Variants in FOXP1 observed in about 807,000 individuals in gnomAD.
FOXP1 encodes the protein forkhead box protein P1.
In FOXP1, 15 loss-of-function variants were observed where a neutral mutation model predicts 98.2. That is an observed-to-expected ratio of 0.15 (90% CI 0.10 to 0.24). The LOEUF (loss-of-function observed/expected upper bound fraction) is 0.24, where lower values mean the gene tolerates loss of function less well. Ranked by LOEUF, FOXP1 falls within the 10% of genes least tolerant of loss-of-function variation. The pLI, the probability that FOXP1 is intolerant of heterozygous loss-of-function variation, is 1.00. For synonymous variants in FOXP1, 371 were observed against 314.5 expected (o/e 1.18, Z -1.90); for missense variants, 633 against 848.5 (o/e 0.75, Z 3.15).
At chr3:70,966,132 C>T (rs192867463) in intron 19 of FOXP1, 76 bp from the exon 20 acceptor site, 25 of 1,215,330 alleles carry the variant, frequency 2.1e-5, no homozygotes, top group Admixed American at 7.0e-5. Flanking sequence ...TGGGTGTACT[C>T]GATAATCTTC....
At chr3:71,376,344 T>C (rs1012864181) in intron 3 of FOXP1, among the ~76,000 whole-genome samples, 2 of 152,134 alleles carry the variant, frequency 1.3e-5, no homozygotes, top group Non-Finnish European at 2.9e-5. Flanking sequence ...GGATAAATAC[T>C]TGTCTCCACT....
At chr3:71,294,989 C>T (rs963396885) in intron 5 of FOXP1, among the ~76,000 whole-genome samples, 9 of 152,296 alleles carry the variant, frequency 5.9e-5, no homozygotes, top group South Asian at 2.1e-4. Flanking sequence ...GGTTGTTTCA[C>T]GAGAGAAGTA....
intron 3 of FOXP1, among the ~76,000 whole-genome samples, chr3:71,394,668 G>A (rs376412278): frequency 5.9e-5 from 9 of 152,070 alleles, no homozygotes; most frequent in Admixed American, 3.3e-4. Context: ...TCATTATACC[G>A]ACCCTTGTGT....
chr3:71,185,412 C>T lies in FOXP1; in HGVS notation c.180+12790G>A, dbSNP rs367784125. On this transcript the variant is annotated intron_variant, in intron 6 of 20. Transcript: ENST00000649528. ...GAGCAAATGCCTTCGAATTTGGCAA[C>T]TATTTTTAAATTAGGTATTATGGTT... Among the ~76,000 whole-genome samples, 4 of 152,296 alleles carry T rather than the reference C, an allele frequency of 2.6e-5. No homozygotes were observed. The East Asian group carries it at 7.7e-4, about 29-fold the overall frequency.
chr3:70,996,725 C>T (rs1210110894), intron 13 of FOXP1, among the ~76,000 whole-genome samples: 1 of 152,074 alleles, frequency 6.6e-6, no homozygotes, highest in Non-Finnish European at 1.5e-5. Flanking sequence ...TTATGATGAC[C>T]CTCTAGGTTA....
rs539288002 is a variant in FOXP1 at position 71,157,828 on chromosome 3, T to C, written c.180+40374A>G. ...GAGGCCAGGAGTAGTGGCTCATGCC[T>C]ATAATCCCAGCACTCTGGGAGGCTG... On this transcript the variant is annotated intron_variant, in intron 6 of 20. Coordinates refer to ENST00000649528, the MANE Select transcript of FOXP1 (RefSeq NM_001349338.3). 2.0e-5 allele frequency among the ~76,000 whole-genome samples: 3 copies of C among 151,862 alleles called. 1 individual carries two copies. In the South Asian group the frequency reaches 6.3e-4, roughly 32 times the overall value.
At chr3:71,583,789 G>A (rs1272353887), upstream of FOXP1, 3 of 986,706 alleles carry the variant, frequency 3.0e-6, no homozygotes, top group Non-Finnish European at 3.6e-6. Flanking sequence ...TAGCTTCCCG[G>A]AGCCCAGCCA....
chr3:71,262,660 C>T (rs1299761466), intron 5 of FOXP1, among the ~76,000 whole-genome samples: 1 of 152,134 alleles, frequency 6.6e-6, no homozygotes, highest in Non-Finnish European at 1.5e-5. Flanking sequence ...GGGTCAGAGT[C>T]TAAATGGAAG....
chr3:71,136,538 C>A (rs1010397515), intron 6 of FOXP1, among the ~76,000 whole-genome samples: 7 of 152,166 alleles, frequency 4.6e-5, no homozygotes, highest in Non-Finnish European at 7.3e-5. Flanking sequence ...TAAGAATAGA[C>A]ATATTAGCTG....
At chr3:71,201,257 G>C (rs1438910438) in intron 5 of FOXP1, among the ~76,000 whole-genome samples, 2 of 152,142 alleles carry the variant, frequency 1.3e-5, no homozygotes, top group African/African-American at 4.8e-5. Context: ...TGAGTGCCTT[G>C]TTCATCACCA....
chr3:71,379,066 T>C (rs2079945547), intron 3 of FOXP1, among the ~76,000 whole-genome samples: 1 of 152,208 alleles, frequency 6.6e-6, no homozygotes, highest in South Asian at 2.1e-4. Flanking sequence ...AGCCATTCTT[T>C]CAGTCCTTCT....
At chr3:71,259,040 G>A (rs766552717) in intron 5 of FOXP1, among the ~76,000 whole-genome samples, 1 of 152,234 alleles carries the variant, frequency 6.6e-6, no homozygotes, top group Non-Finnish European at 1.5e-5. Context: ...AGTGACTCAG[G>A]AGGCGGAGGC....
At chr3:71,157,390 A>G (rs920495865) in intron 6 of FOXP1, among the ~76,000 whole-genome samples, 5 of 152,236 alleles carry the variant, frequency 3.3e-5, no homozygotes, top group African/African-American at 9.6e-5. Flanking sequence ...TTAAAAAGAT[A>G]AGGCAGTGTG....
intron 3 of FOXP1, among the ~76,000 whole-genome samples, chr3:71,402,366 G>C (rs1437523140): frequency 1.3e-5 from 2 of 152,072 alleles, no homozygotes; most frequent in Non-Finnish European, 2.9e-5. Flanking sequence ...GAAGTGGGAG[G>C]ATCGCTTGAG....
chr3:71,169,045 A>C (rs1056914338), intron 6 of FOXP1, among the ~76,000 whole-genome samples: 1 of 152,224 alleles, frequency 6.6e-6, no homozygotes, highest in African/African-American at 2.4e-5. Context: ...GCTGAGTCAC[A>C]TTTATGTAAC....
At chr3:70,981,871 T>G (rs2038927904) in intron 14 of FOXP1, among the ~76,000 whole-genome samples, 1 of 152,194 alleles carries the variant, frequency 6.6e-6, no homozygotes, top group Non-Finnish European at 1.5e-5. Flanking sequence ...TAAACATGAC[T>G]AGCCCGTGAG....
At chr3:71,448,904 T>C (rs1349069074) in intron 3 of FOXP1, among the ~76,000 whole-genome samples, 1 of 152,194 alleles carries the variant, frequency 6.6e-6, no homozygotes, top group African/African-American at 2.4e-5. Context: ...GGAGGACACT[T>C]GCAACTGTAC....
chr3:71,563,324 C>T (rs1043754190), intron 2 of FOXP1, among the ~76,000 whole-genome samples: 2 of 152,108 alleles, frequency 1.3e-5, no homozygotes, highest in African/African-American at 4.8e-5. Flanking sequence ...CAAAAAAGGG[C>T]ACATGGAGAG....
In FOXP1 at chr3:71,112,073, C is replaced by T. The variant is rs973909806; in HGVS notation, c.282+463G>A. 5.1e-5 allele frequency among the ~76,000 whole-genome samples: 6 copies of T among 118,268 alleles called. No individual in the cohort carries two copies. The East Asian group carries it at 1.3e-3, about 26-fold the overall frequency. The allele number at this position is 118,268 out of a possible 152,430, so 77.6% of individuals were successfully genotyped here. On this transcript the variant is annotated intron_variant, in intron 7 of 20. Coordinates refer to ENST00000649528, the MANE Select transcript of FOXP1 (RefSeq NM_001349338.3). ...ACCTCTGCCCTGCTAGTTGTGGCAACGAAAAACGTCTCTAGACATTGCCCA... is the reference window on the plus strand; with the variant it reads ...ACCTCTGCCCTGCTAGTTGTGGCAATGAAAAACGTCTCTAGACATTGCCCA...
Sources: gnomAD v4.1 joint callset for allele counts (sites outside exome capture counted in the v4.1 genomes callset) on GRCh38, gnomAD v4.1.1 for gene constraint, MANE v1.5 for transcripts, NCBI Gene and HGNC (gene_info 2026-07-23, HGNC 2026-07-21) for gene names.